The following FAM221B variants were observed in gnomAD, a reference collection of about 807,000 sequenced individuals.
FAM221B encodes family with sequence similarity 221 member B.
A neutral mutation model predicts 39.8 loss-of-function variants in FAM221B; 35 were observed. That is an observed-to-expected ratio of 0.88 (90% CI 0.67 to 1.17). The LOEUF (loss-of-function observed/expected upper bound fraction) is 1.17. Among genes scored for constraint, FAM221B ranks in the 50% most tolerant of loss-of-function variants. The pLI, the probability that FAM221B is intolerant of heterozygous loss-of-function variation, is 0.00. For synonymous variants in FAM221B, 158 were observed against 178.1 expected (o/e 0.89, Z 0.90); for missense variants, 479 against 503.1 (o/e 0.95, Z 0.46).
intron 6 of FAM221B, 38 bp from the exon 7 acceptor site, chr9:35,818,544 T>G: frequency 1.3e-6 from 2 of 1,546,698 alleles, no homozygotes; most frequent in South Asian, 1.2e-5. Flanking sequence ...GGGTCAGGTA[T>G]GGGGGTCAGA....
chr9:35,828,332 A>AACTACAACTACTACT lies in FAM221B; in HGVS notation c.-1+130_-1+131insAGTAGTAGTTGTAGT, dbSNP rs1554678206. 2.8e-5 allele frequency: 3 copies of AACTACAACTACTACT among 108,946 alleles called. No individual in the cohort carries two copies. The highest frequency in any genetic ancestry group is 1.0e-4 in the African/African-American group (3 of 28,970). 6.7% of individuals were successfully genotyped at this position (108,946 alleles called of 1,614,324 possible). A position where few individuals can be genotyped will look rare whatever the true frequency, so the allele number is the denominator to read the frequency against. The stretch of plus-strand genomic sequence containing the variant: ...CAACAACAACAACAACAACAACAAC[A>AACTACAACTACTACT]ACTACTACTACTACTACTACTACTA... On this transcript the variant is annotated intron_variant, in intron 1 of 6. Transcript: ENST00000423537. This position sits in a 1 kb window ranked among gnomAD's most constrained non-coding sequence, Gnocchi z 4.5.
chr9:35,819,168 C>T (rs1325189060), intron 5 of FAM221B, 29 bp downstream of exon 5: 1 of 1,545,136 alleles, frequency 6.5e-7, no homozygotes, highest in South Asian at 1.2e-5. Context: ...CTACCCTGCT[C>T]CCAATACACC....
rs1829042640 is a variant in FAM221B at position 35,817,318 on chromosome 9, G to C, written c.*1151C>G. On this transcript the variant is annotated 3_prime_UTR_variant, in exon 7 of 7. Transcript: ENST00000423537. ...TTATGCTCTGCAGCCTCTGAACACTGTCTCTTGTACTCCAACCCCTGCCCC... is the reference window on the plus strand; with the variant it reads ...TTATGCTCTGCAGCCTCTGAACACTCTCTCTTGTACTCCAACCCCTGCCCC... 1 of 152,310 alleles carries C rather than the reference G, an allele frequency of 6.6e-6. No homozygotes were observed. The highest frequency in any genetic ancestry group is 1.5e-5 in the Non-Finnish European group (1 of 68,080). The allele number at this position is 152,310 out of a possible 1,614,324, so 9.4% of individuals were successfully genotyped here. A position where few individuals can be genotyped will look rare whatever the true frequency, so the allele number is the denominator to read the frequency against.
intron 3 of FAM221B, among the ~76,000 whole-genome samples, chr9:35,821,173 G>A (rs960776188): frequency 1.3e-5 from 2 of 152,294 alleles, no homozygotes; most frequent in East Asian, 1.9e-4. Context: ...ATTCCTATTA[G>A]TCCATGAGTT....
Position 35,825,177 on chromosome 9 carries a change from T to C in FAM221B, c.742+53A>G. 2 of 1,605,338 alleles carry C rather than the reference T, an allele frequency of 1.2e-6. No homozygotes were observed. Among genetic ancestry groups the C allele is most frequent in the Non-Finnish European group, 1.7e-6 (2 of 1,174,166 alleles). Reference sequence around the variant, plus strand: ...GTTCAGGTTCCCAGATCTTTTGGATTAGAGGATGCCCATGGGCCTGTCACA... The same window carrying C: ...GTTCAGGTTCCCAGATCTTTTGGATCAGAGGATGCCCATGGGCCTGTCACA... On this transcript the variant is annotated intron_variant, in intron 3 of 6. Coordinates refer to ENST00000423537, the MANE Select transcript of FAM221B (RefSeq NM_001012446.4). This position sits in a 1 kb window ranked among gnomAD's most constrained non-coding sequence, Gnocchi z 4.2.
intron 3 of FAM221B, 100 bp from the exon 4 acceptor site, chr9:35,820,100 TA>T: frequency 1.4e-6 from 1 of 722,970 alleles, no homozygotes; most frequent in Non-Finnish European, 2.4e-6. Flanking sequence ...GGGGGGAACT[TA>T]CCTCTCCCCA....
In FAM221B at chr9:35,821,564, G is replaced by GT; in HGVS notation, c.743-1565dup. The stretch of plus-strand genomic sequence containing the variant: ...AGGGAGGCTTTGTTGAGAGAGCAAG[G>GT]TATAGGCAGTCACAATGCAGGTGGG... On this transcript the variant is annotated intron_variant, in intron 3 of 6. Coordinates refer to ENST00000423537, the MANE Select transcript of FAM221B (RefSeq NM_001012446.4). The GT allele has an allele frequency of 2.2e-6, 3 of 1,367,910 alleles. 1 individual carries two copies. Among genetic ancestry groups the GT allele is most frequent in the Middle Eastern group, 4.2e-4 (2 of 4,768 alleles). The allele number at this position is 1,367,910 out of a possible 1,614,324, so 84.7% of individuals were successfully genotyped here. A position where few individuals can be genotyped will look rare whatever the true frequency, so the allele number is the denominator to read the frequency against.
At chr9:35,818,543 A>G (rs1272045266) in intron 6 of FAM221B, 37 bp from the exon 7 acceptor site, 5 of 1,547,956 alleles carry the variant, frequency 3.2e-6, no homozygotes, top group South Asian at 2.4e-5. Flanking sequence ...AGGGTCAGGT[A>G]TGGGGGTCAG....
chr9:35,824,822 C>T (rs1000586371), intron 3 of FAM221B, among the ~76,000 whole-genome samples: 2 of 152,060 alleles, frequency 1.3e-5, no homozygotes, highest in Non-Finnish European at 2.9e-5. Context: ...GCTGGGACTA[C>T]AGGCACCTGC....
rs146746216 is a variant in FAM221B, at chr9:35,817,273, T to C, written c.*1196A>G. Reference sequence around the variant, plus strand: ...TACTTCAAGCACTTATCACCTTCACTTGCCCTCATCTGAAAGATGTTATGC... The same window carrying C: ...TACTTCAAGCACTTATCACCTTCACCTGCCCTCATCTGAAAGATGTTATGC... On this transcript the variant is annotated 3_prime_UTR_variant, in exon 7 of 7. Coordinates refer to ENST00000423537, the MANE Select transcript of FAM221B (RefSeq NM_001012446.4). 680 of 152,384 alleles carry C rather than the reference T, an allele frequency of 4.5e-3. 5 individuals carry two copies. The highest frequency in any genetic ancestry group is 6.4e-3 in the Non-Finnish European group (437 of 68,070). The allele number at this position is 152,384 out of a possible 1,614,324, so 9.4% of individuals were successfully genotyped here. A position where few individuals can be genotyped will look rare whatever the true frequency, so the allele number is the denominator to read the frequency against.
At chr9:35,819,735 T>C (rs1032877340) in intron 4 of FAM221B, among the ~76,000 whole-genome samples, 155 bp downstream of exon 4, 1 of 148,758 alleles carries the variant, frequency 6.7e-6, no homozygotes, top group Non-Finnish European at 1.5e-5. Context: ...CTCGATCTCC[T>C]GACCTTTGAT....
intron 3 of FAM221B, among the ~76,000 whole-genome samples, chr9:35,822,789 G>A (rs1324933110): frequency 6.6e-6 from 1 of 152,128 alleles, no homozygotes; most frequent in African/African-American, 2.4e-5. Flanking sequence ...GCCTCACAAT[G>A]TATTCACTTG....
Position 35,818,292 on chromosome 9 carries a change from G to A in FAM221B, c.*177C>T, listed in dbSNP as rs1829058485. 6.5e-6 allele frequency: 4 copies of A among 610,886 alleles called. No individual in the cohort carries two copies. Among genetic ancestry groups the A allele is most frequent in the South Asian group, 6.2e-5 (3 of 48,640 alleles). 37.8% of individuals were successfully genotyped at this position (610,886 alleles called of 1,614,324 possible). ...CCTTGAAGCCACTTTCCTTCAACAG[G>A]CAGCTTGAATGTGAGTGTGATGGAG... On this transcript the variant is annotated 3_prime_UTR_variant, in exon 7 of 7. Transcript: ENST00000423537.
chr9:35,824,660 T>G (rs944998886), intron 3 of FAM221B, among the ~76,000 whole-genome samples: 13 of 150,360 alleles, frequency 8.6e-5, no homozygotes, highest in African/African-American at 2.0e-4. Flanking sequence ...GACCCTTCTG[T>G]TTTTTTTTGT....
chr9:35,825,210 G>A lies in FAM221B; in HGVS notation c.742+20C>T, dbSNP rs762580360. On this transcript the variant is annotated intron_variant, in intron 3 of 6. Coordinates refer to ENST00000423537, the MANE Select transcript of FAM221B (RefSeq NM_001012446.4). The surrounding 1 kb of genome is among the most constrained non-coding windows in gnomAD (Gnocchi z 4.2). The stretch of plus-strand genomic sequence containing the variant: ...GCCCATGGGCCTGTCACAGGCCTCT[G>A]AAAGGCCACATGGGCTCACCTGTCT... The A allele has an allele frequency of 6.2e-7, 1 of 1,613,990 alleles. No individual in the cohort carries two copies. The highest frequency in any genetic ancestry group is 8.5e-7 in the Non-Finnish European group (1 of 1,179,922).
chr9:35,818,879 T>G lies in FAM221B; in HGVS notation c.1171+11A>C. ...CCTGGAATGGCCCCCTGTCCCAGGT[T>G]TCTGCCTCACCGCGAGGCCTTCCTC... On this transcript the variant is annotated intron_variant, in intron 6 of 6. Coordinates refer to ENST00000423537, the MANE Select transcript of FAM221B (RefSeq NM_001012446.4). 6.4e-7 allele frequency: 1 copy of G among 1,551,600 alleles called. No individual in the cohort carries two copies. The highest frequency in any genetic ancestry group is 8.7e-7 in the Non-Finnish European group (1 of 1,147,034).
chr9:35,825,930 G>T lies in FAM221B; in HGVS notation c.232C>A (p.Pro78Thr). ...EAHSPETHQE[P>T]SISETPSETP... Reference sequence around the variant, plus strand: ...TCTGAAGGAGTCTCAGAGATGGAAGGCTCCTGATGGGTTTCAGGGGAATGG... The same window carrying T: ...TCTGAAGGAGTCTCAGAGATGGAAGTCTCCTGATGGGTTTCAGGGGAATGG... The change falls in exon 2 of 7, where the codon CCT (proline) becomes ACT (threonine). Residue 78 changes from proline (P) to threonine (T), a missense_variant. By Grantham distance (38) the Pro-to-Thr change is conservative (BLOSUM62 -1). Transcript: ENST00000423537. The surrounding 1 kb of genome is among the most constrained non-coding windows in gnomAD (Gnocchi z 4.2). 6.2e-7 allele frequency: 1 copy of T among 1,614,022 alleles called. No individual in the cohort carries two copies. The highest frequency in any genetic ancestry group is 8.5e-7 in the Non-Finnish European group (1 of 1,179,940).
Position 35,825,518 on chromosome 9 carries a change from G to C in FAM221B, c.598+46C>G, listed in dbSNP as rs1212854747. The C allele has an allele frequency of 2.5e-6, 4 of 1,580,552 alleles. No homozygotes were observed. The highest frequency in any genetic ancestry group is 3.5e-6 in the Non-Finnish European group (4 of 1,158,656). On this transcript the variant is annotated intron_variant, in intron 2 of 6. Coordinates refer to ENST00000423537, the MANE Select transcript of FAM221B (RefSeq NM_001012446.4). This position sits in a 1 kb window ranked among gnomAD's most constrained non-coding sequence, Gnocchi z 4.2. ...AGTAGTGAGAACAGGACAGGGGAGA[G>C]GACAGGTACAATTACAGCTAACTCC...
intron 4 of FAM221B, among the ~76,000 whole-genome samples, chr9:35,819,617 T>G (rs1829099043): frequency 6.6e-6 from 1 of 152,092 alleles, no homozygotes; most frequent in Non-Finnish European, 1.5e-5. Context: ...CTCAGCCTCC[T>G]GAGTAGCTGG....
Sources: allele counts gnomAD v4.1 joint callset (sites outside exome capture counted in the v4.1 genomes callset), GRCh38; gene constraint gnomAD v4.1.1; non-coding constraint Gnocchi (gnomAD v3.1); transcripts MANE v1.5; gene names NCBI Gene and HGNC (gene_info 2026-07-23, HGNC 2026-07-21).